The following ANKRD55 variants were observed in gnomAD, a reference collection of about 807,000 sequenced individuals.
The protein encoded by ANKRD55 is ankyrin repeat domain 55.
Under a neutral mutation model 60.6 loss-of-function variants are expected in ANKRD55, and 41 were observed. The observed-to-expected ratio is 0.68, with a 90% CI of 0.53 to 0.88. The LOEUF is 0.88. Among genes scored for constraint, ANKRD55 ranks in the 40% least tolerant of loss-of-function variants. ANKRD55 has a pLI of 0.00. For missense variants in ANKRD55, 732 were observed against 767.6 expected (o/e 0.95, Z 0.55); for synonymous variants, 264 against 290.3 (o/e 0.91, Z 0.92).
chr5:56,147,028 A>C (rs1469913486), intron 6 of ANKRD55, among the ~76,000 whole-genome samples: 1 of 151,760 alleles, frequency 6.6e-6, no homozygotes, highest in Non-Finnish European at 1.5e-5. Context: ...ACCGCAAGAA[A>C]CCCCCCCACA....
At chr5:56,137,677 A>C in intron 7 of ANKRD55, 1 of 469,260 alleles carries the variant, frequency 2.1e-6, no homozygotes, top group Non-Finnish European at 3.8e-6. Flanking sequence ...AAAATTGATA[A>C]CCTAGATTTC....
At chr5:56,201,155 T>C (rs1171472050) in intron 2 of ANKRD55, among the ~76,000 whole-genome samples, 1 of 152,166 alleles carries the variant, frequency 6.6e-6, no homozygotes, top group Non-Finnish European at 1.5e-5. Context: ...TAATTCCCTC[T>C]CTCCCCCTGC....
chr5:56,134,811 G>A (rs955782350), intron 7 of ANKRD55, among the ~76,000 whole-genome samples: 88 of 151,982 alleles, frequency 5.8e-4, no homozygotes, highest in African/African-American at 2.1e-3. Flanking sequence ...GAAAACTATA[G>A]ACCAATAACT....
In ANKRD55 at chr5:56,127,020, T is replaced by C. The variant is rs201655144; in HGVS notation, c.699A>G (p.Thr233=). 8 of 1,613,904 alleles carry C rather than the reference T, an allele frequency of 5.0e-6. No homozygotes were observed. The highest frequency in any genetic ancestry group is 6.8e-6 in the Non-Finnish European group (8 of 1,179,958). ...CCGCTGCCGCTGCGATATGTACACA[T>C]GTCTTCCCACTCTCATCATCATAGT... The part of the protein sequence containing the change: ...IINYDDESGK[T]CVHIAAAAGF... The change falls in exon 8 of 12, where the codon ACA becomes ACG. Residue 233 remains threonine, a synonymous_variant. Transcript: ENST00000341048.
At chr5:56,206,859 T>C (rs1759523817) in intron 2 of ANKRD55, among the ~76,000 whole-genome samples, 1 of 152,194 alleles carries the variant, frequency 6.6e-6, no homozygotes, top group Non-Finnish European at 1.5e-5. Context: ...TGCTACTGCC[T>C]GAGGTGGGTA....
At chr5:56,128,730 C>T (rs1251243059) in intron 7 of ANKRD55, among the ~76,000 whole-genome samples, 5 of 152,150 alleles carry the variant, frequency 3.3e-5, no homozygotes, top group Non-Finnish European at 7.4e-5. Context: ...AAGGTTGGTA[C>T]TATTATTGTC....
At chr5:56,201,999 A>G (rs1201503396) in intron 2 of ANKRD55, among the ~76,000 whole-genome samples, 1 of 152,224 alleles carries the variant, frequency 6.6e-6, no homozygotes, top group African/African-American at 2.4e-5. Flanking sequence ...TTGCAGGGAC[A>G]TGGATGGAGT....
At chr5:56,213,215 T>C (rs1759719837) in intron 2 of ANKRD55, among the ~76,000 whole-genome samples, 1 of 152,104 alleles carries the variant, frequency 6.6e-6, no homozygotes, top group South Asian at 2.1e-4. Context: ...TGGGAGGAGG[T>C]GTCAGGAAAA....
chr5:56,124,699 G>C (rs1057261194), intron 8 of ANKRD55, among the ~76,000 whole-genome samples: 1 of 152,014 alleles, frequency 6.6e-6, no homozygotes, highest in Non-Finnish European at 1.5e-5. Flanking sequence ...GTAGAGACAG[G>C]GTTTCACCAT....
intron 2 of ANKRD55, among the ~76,000 whole-genome samples, chr5:56,212,338 T>TTTC (rs1434193454): frequency 2.0e-5 from 3 of 152,184 alleles, no homozygotes; most frequent in Admixed American, 6.5e-5. Context: ...ATTTGACCCC[T>TTTC]ATAAGATAAA....
At position 56,135,289 on chromosome 5, in the gene ANKRD55, TG is replaced by T. The variant is rs1561263948; in HGVS notation, c.613-8184del. Among the ~76,000 whole-genome samples the T allele has an allele frequency of 1.3e-4, 9 of 66,706 alleles. 1 individual carries two copies. Among genetic ancestry groups the T allele is most frequent in the South Asian group, 6.9e-4 (1 of 1,450 alleles). The allele number at this position is 66,706 out of a possible 152,430, so 43.8% of individuals were successfully genotyped here. A position where few individuals can be genotyped will look rare whatever the true frequency, so the allele number is the denominator to read the frequency against. On this transcript the variant is annotated intron_variant, in intron 7 of 11. Transcript: ENST00000341048. ...TTCCCTCCCTCCCTCCCTGCCTGCC[TG>T]CTTGCTTTCTTTCTTTCTTTCTTTC...
intron 8 of ANKRD55, among the ~76,000 whole-genome samples, chr5:56,118,066 C>T (rs1254534644): frequency 6.6e-6 from 1 of 151,986 alleles, no homozygotes; most frequent in African/African-American, 2.4e-5. Context: ...TTGCTTAAAC[C>T]CCAGAGGCAG....
chr5:56,177,783 AAC>A (rs1220255138), intron 3 of ANKRD55, among the ~76,000 whole-genome samples: 4 of 137,024 alleles, frequency 2.9e-5, no homozygotes, highest in Non-Finnish European at 4.6e-5. Context: ...TCAAAAAAAA[AAC>A]ACACACACAA....
At chr5:56,170,048 C>T (rs929945860) in intron 5 of ANKRD55, among the ~76,000 whole-genome samples, 2 of 152,160 alleles carry the variant, frequency 1.3e-5, no homozygotes, top group Admixed American at 6.5e-5. Flanking sequence ...ATCCAATTTA[C>T]TTCAGTGTAT....
rs143369684 is a variant in ANKRD55 at position 56,143,806 on chromosome 5, C to A, written c.607G>T (p.Val203Phe). 8 of 1,614,044 alleles carry A rather than the reference C, an allele frequency of 5.0e-6. No homozygotes were observed. The highest frequency in any genetic ancestry group is 1.3e-5 in the African/African-American group (1 of 74,932). Residue 203 changes from valine to phenylalanine, a missense_variant, in exon 7 of 12, where the codon GTC (valine) becomes TTC (phenylalanine). Val to Phe is a conservative substitution (Grantham distance 50). Coordinates refer to ENST00000341048, the MANE Select transcript of ANKRD55 (RefSeq NM_024669.3). ...TCCACAGGTCAATTTCTCACCTGGACTGCCCAGTGGAGAGCGGTTTTAAAG... is the reference window on the plus strand; with the variant it reads ...TCCACAGGTCAATTTCTCACCTGGAATGCCCAGTGGAGAGCGGTTTTAAAG... Reference protein sequence around the residue: ...KDFKTALHWAVQSGNRILCSI... With the variant: ...KDFKTALHWAFQSGNRILCSI...
intron 7 of ANKRD55, among the ~76,000 whole-genome samples, chr5:56,128,171 G>T (rs1464000408): frequency 6.6e-6 from 1 of 152,196 alleles, no homozygotes; most frequent in African/African-American, 2.4e-5. Flanking sequence ...GAAGCAAAAA[G>T]AGTGTCAGCA....
intron 2 of ANKRD55, among the ~76,000 whole-genome samples, chr5:56,222,496 A>G (rs560410570): frequency 6.6e-4 from 100 of 152,354 alleles, no homozygotes; most frequent in African/African-American, 2.4e-3. Context: ...CTGGACGGAG[A>G]ATGACTTTGA....
intron 11 of ANKRD55, 63 bp from the exon 12 acceptor site, chr5:56,100,367 G>A (rs1447188572): frequency 7.4e-5 from 118 of 1,599,958 alleles, no homozygotes; most frequent in Non-Finnish European, 9.9e-5. Flanking sequence ...AAGGCGGCAG[G>A]AGAATTGTAT....
At chr5:56,226,609 A>G (rs1348763783) in intron 2 of ANKRD55, among the ~76,000 whole-genome samples, 1 of 152,224 alleles carries the variant, frequency 6.6e-6, no homozygotes, top group Non-Finnish European at 1.5e-5. Context: ...GCTAATATCC[A>G]TAATCTACAA....
Sources: allele counts gnomAD v4.1 joint callset (sites outside exome capture counted in the v4.1 genomes callset), GRCh38; gene constraint gnomAD v4.1.1; transcripts MANE v1.5; gene names NCBI Gene and HGNC (gene_info 2026-07-23, HGNC 2026-07-21).